CNMD: variants seen among roughly 807,000 people sequenced by gnomAD.
The protein encoded by CNMD is leukocyte cell-derived chemotaxin 1.
A neutral mutation model predicts 37.5 loss-of-function variants in CNMD; 30 were observed. That is an observed-to-expected ratio of 0.80 (90% CI 0.60 to 1.09). CNMD has a LOEUF of 1.09. CNMD is among the 50% of genes least tolerant of loss of function. The probability of loss-of-function intolerance (pLI) is 0.00; values close to 1 mark genes in which losing one functional copy is unlikely to be tolerated. For missense variants in CNMD, 398 were observed against 423.9 expected (o/e 0.94, Z 0.54); for synonymous variants, 167 against 148.2 (o/e 1.13, Z -0.92).
intron 3 of CNMD, 64 bp downstream of exon 3, chr13:52,733,155 T>C (rs1241433994): frequency 1.9e-6 from 3 of 1,567,826 alleles, no homozygotes; most frequent in Admixed American, 3.3e-5. Flanking sequence ...CTGCTCCTCC[T>C]TGAATTAGAA....
chr13:52,731,219 G>A (rs989070233), intron 3 of CNMD, among the ~76,000 whole-genome samples: 1 of 152,164 alleles, frequency 6.6e-6, no homozygotes, highest in African/African-American at 2.4e-5. Context: ...ATTGGAACAC[G>A]TTTTCCAAGC....
chr13:52,730,168 C>G (rs1289928076), intron 3 of CNMD, among the ~76,000 whole-genome samples: 3 of 152,034 alleles, frequency 2.0e-5, no homozygotes, highest in Non-Finnish European at 4.4e-5. Context: ...TTTTTTATGG[C>G]TGCATAGTAT....
At chr13:52,722,205 G>T (rs1286224112) in intron 4 of CNMD, among the ~76,000 whole-genome samples, 1 of 152,106 alleles carries the variant, frequency 6.6e-6, no homozygotes, top group Non-Finnish European at 1.5e-5. Flanking sequence ...GGATGGATGG[G>T]AAACAGAGTA....
chr13:52,737,181 C>T (rs191798422), intron 2 of CNMD, among the ~76,000 whole-genome samples: 1 of 152,220 alleles, frequency 6.6e-6, no homozygotes, highest in African/African-American at 2.4e-5. Flanking sequence ...TTTTTGATTA[C>T]GTTTTGTCTG....
intron 3 of CNMD, among the ~76,000 whole-genome samples, chr13:52,731,673 A>C (rs1022525180): frequency 6.6e-6 from 1 of 152,386 alleles, no homozygotes; most frequent in Non-Finnish European, 1.5e-5. Context: ...ATATGTTAAA[A>C]GAGTATTTTT....
At chr13:52,722,419 G>T (rs563068463) in intron 4 of CNMD, among the ~76,000 whole-genome samples, 88 of 152,062 alleles carry the variant, frequency 5.8e-4, no homozygotes, top group Non-Finnish European at 9.3e-4. Context: ...CTCCCTCTCA[G>T]GAATACTGGG....
chr13:52,717,665 A>G (rs1286514595), intron 4 of CNMD, among the ~76,000 whole-genome samples: 1 of 152,196 alleles, frequency 6.6e-6, no homozygotes, highest in African/African-American at 2.4e-5. Flanking sequence ...TGTATGTTGT[A>G]CCAGCCTTGT....
chr13:52,735,701 C>T (rs190660854), intron 2 of CNMD, among the ~76,000 whole-genome samples: 1 of 151,488 alleles, frequency 6.6e-6, no homozygotes, highest in Admixed American at 6.6e-5. Flanking sequence ...AAAAAAATCT[C>T]ATAATGTTTT....
chr13:52,720,178 C>T lies in CNMD; in HGVS notation c.468+3819G>A, dbSNP rs148386902. Among the ~76,000 whole-genome samples the T allele has an allele frequency of 1.7e-3, 263 of 152,220 alleles. 2 individuals carry two copies. Among genetic ancestry groups the T allele is most frequent in the Non-Finnish European group, 2.7e-3 (186 of 68,012 alleles). Reference sequence around the variant, plus strand: ...GTTCTCGTGCTGTGTTTTTCAGCTCCATCAGGTCATTTAAGTTCTTCTTTA... The same window carrying T: ...GTTCTCGTGCTGTGTTTTTCAGCTCTATCAGGTCATTTAAGTTCTTCTTTA... On this transcript the variant is annotated intron_variant, in intron 4 of 6. Transcript: ENST00000377962.
At chr13:52,722,301 C>G (rs779417496) in intron 4 of CNMD, among the ~76,000 whole-genome samples, 6 of 152,120 alleles carry the variant, frequency 3.9e-5, no homozygotes, top group Non-Finnish European at 5.9e-5. Context: ...TTTGAGACAC[C>G]GCCTGCAGCT....
At position 52,739,104 on chromosome 13, in the gene CNMD, A is replaced by G. The variant is rs771992261; in HGVS notation, c.140T>C (p.Leu47Pro). 2.0e-5 allele frequency: 31 copies of G among 1,573,596 alleles called. No individual in the cohort carries two copies. The Middle Eastern group carries it at 6.8e-4, about 35-fold the overall frequency. Residue 47 changes from leucine (L) to proline (P), a missense_variant, in exon 2 of 7, where the codon CTC becomes CCC. Physicochemically the swap from Leu to Pro is moderately conservative, Grantham distance 98. Transcript: ENST00000377962. This position sits in a 1 kb window ranked among gnomAD's most constrained non-coding sequence, Gnocchi z 5.4. ...ARLLKVGAVV[L>P]ISGAVLLLFG... Reference sequence around the variant, plus strand: ...GAGCAGCAGCACAGCTCCCGAAATGAGGACCACGGCTCCCACCTTGAGCAG... The same window carrying G: ...GAGCAGCAGCACAGCTCCCGAAATGGGGACCACGGCTCCCACCTTGAGCAG...
chr13:52,703,697 C>T lies in CNMD; in HGVS notation c.903G>A (p.Gly301=). The T allele has an allele frequency of 6.2e-7, 1 of 1,613,990 alleles. No homozygotes were observed. Residue 301 remains glycine (G), a synonymous_variant, in exon 7 of 7, where the codon GGG becomes GGA. Transcript: ENST00000377962. ...THCQKICEPL[G]GYYPWPYNYQ... ...AATTATAAGGCCATGGGTAATAGCC[C>T]CCCAGGGGTTCACAGATCTTCTGGC...
intron 4 of CNMD, among the ~76,000 whole-genome samples, chr13:52,716,040 C>T (rs1329510124): frequency 3.9e-5 from 6 of 152,156 alleles, no homozygotes; most frequent in African/African-American, 1.4e-4. Context: ...TGATGATCGC[C>T]ATTCTAACCG....
intron 6 of CNMD, among the ~76,000 whole-genome samples, chr13:52,707,169 C>A (rs1811341154): frequency 1.3e-5 from 2 of 152,188 alleles, no homozygotes; most frequent in Non-Finnish European, 2.9e-5. Context: ...GCTGGGATTA[C>A]AAGTGTGAGC....
intron 4 of CNMD, among the ~76,000 whole-genome samples, chr13:52,721,373 G>A (rs920970873): frequency 1.2e-4 from 18 of 152,248 alleles, no homozygotes; most frequent in Non-Finnish European, 1.9e-4. Context: ...CAGCTAGCTC[G>A]GTGTCTTCCC....
At chr13:52,717,206 T>G (rs984910144) in intron 4 of CNMD, among the ~76,000 whole-genome samples, 3 of 152,198 alleles carry the variant, frequency 2.0e-5, no homozygotes, top group Admixed American at 1.3e-4. Flanking sequence ...TCCTGAGACT[T>G]TGGTGCAGTT....
chr13:52,706,122 A>G (rs1226536352), intron 6 of CNMD, among the ~76,000 whole-genome samples: 1 of 152,216 alleles, frequency 6.6e-6, no homozygotes, highest in African/African-American at 2.4e-5. Context: ...GACTTAGTAT[A>G]TGAAAAGATG....
chr13:52,722,110 T>C (rs1342854627), intron 4 of CNMD, among the ~76,000 whole-genome samples: 1 of 151,632 alleles, frequency 6.6e-6, no homozygotes, highest in African/African-American at 2.4e-5. Context: ...CCTTTGATTC[T>C]GAACAGCACA....
At position 52,712,644 on chromosome 13, in the gene CNMD, A is replaced by AG. The variant is rs1964307741; in HGVS notation, c.622+71dup. 1.4e-5 allele frequency: 14 copies of AG among 973,542 alleles called. No homozygotes were observed. In the East Asian group the frequency reaches 3.6e-4, roughly 25 times the overall value. The allele number at this position is 973,542 out of a possible 1,614,324, so 60.3% of individuals were successfully genotyped here. A position where few individuals can be genotyped will look rare whatever the true frequency, so the allele number is the denominator to read the frequency against. ...CTTGTTAACATGCTCAGGCCTGTGG[A>AG]GGGGGTTGGAGGAACCTCACATGCA... On this transcript the variant is annotated intron_variant, in intron 5 of 6. Transcript: ENST00000377962.
Sources: gnomAD v4.1 joint callset for allele counts (sites outside exome capture counted in the v4.1 genomes callset) on GRCh38, gnomAD v4.1.1 for gene constraint, Gnocchi (gnomAD v3.1) non-coding constraint, MANE v1.5 for transcripts, NCBI Gene and HGNC (gene_info 2026-07-23, HGNC 2026-07-21) for gene names.